Variants in ANO3 observed in about 807,000 individuals in gnomAD.
ANO3 encodes the protein anoctamin 3, also known as anoctamin-3.
A neutral mutation model predicts 144.8 loss-of-function variants in ANO3; 99 were observed. The observed-to-expected ratio is 0.68, with a 90% CI of 0.58 to 0.81. The LOEUF (loss-of-function observed/expected upper bound fraction) is 0.81. ANO3 is among the 30% of genes least tolerant of loss of function. ANO3 has a pLI of 0.00. For synonymous variants in ANO3, 414 were observed against 392.6 expected (o/e 1.05, Z -0.64); for missense variants, 905 against 1,202.2 (o/e 0.75, Z 3.66).
At position 26,442,061 on chromosome 11, in the gene ANO3, T is replaced by C. The variant is rs771788572; in HGVS notation, c.190T>C (p.Ser64Pro). ...TSLFQSTESE[S>P]QAPTSITLIS... ...CCTCTTCCAGTCAACCGAGAGTGAA[T>C]CTCAGGCTCCCACATCTATAACCTT... Residue 64 changes from serine (S) to proline (P), a missense_variant, in exon 2 of 27, where the codon TCT (serine) becomes CCT (proline). By Grantham distance (74) the Ser-to-Pro change is moderately conservative. Transcript: ENST00000256737. 1 of 1,614,114 alleles carries C rather than the reference T, an allele frequency of 6.2e-7. No individual in the cohort carries two copies. Among genetic ancestry groups the C allele is most frequent in the Non-Finnish European group, 8.5e-7 (1 of 1,180,020 alleles).
chr11:26,558,541 A>G (rs560794862), intron 13 of ANO3, among the ~76,000 whole-genome samples: 4 of 152,156 alleles, frequency 2.6e-5, no homozygotes, highest in African/African-American at 9.6e-5. Context: ...TTGTTTTGAA[A>G]ACCGATTTTT....
Position 26,661,394 on chromosome 11 carries a change from G to C in ANO3, c.*950G>C, listed in dbSNP as rs1464577542. 6.6e-6 allele frequency: 1 copy of C among 152,470 alleles called. No homozygotes were observed. The highest frequency in any genetic ancestry group is 1.9e-4 in the East Asian group (1 of 5,186). The allele number at this position is 152,470 out of a possible 1,614,324, so 9.4% of individuals were successfully genotyped here. On this transcript the variant is annotated 3_prime_UTR_variant, in exon 27 of 27. Transcript: ENST00000256737. The stretch of plus-strand genomic sequence containing the variant: ...TCCCTTTGCACCTTGACAGTACGTA[G>C]TATACATTGTGGTTTATGCAGCTCT...
In ANO3 at chr11:26,190,479, A is replaced by G. The variant is rs528792529; in HGVS notation, c.154+1149A>G. On this transcript the variant is annotated intron_variant, in intron 1 of 27. Transcript: ENST00000672621. ...TACTAGATATTGAACCTAAAATTTC[A>G]TAGAAGTAGGGAAATTAATTTTTTA... Among the ~76,000 whole-genome samples the G allele has an allele frequency of 4.6e-5, 7 of 152,322 alleles. No individual in the cohort carries two copies. In the East Asian group the frequency reaches 1.2e-3, roughly 25 times the overall value.
intron 18 of ANO3, among the ~76,000 whole-genome samples, chr11:26,632,556 A>G: frequency 6.8e-6 from 1 of 146,718 alleles, no homozygotes. Flanking sequence ...TATATATAAT[A>G]TATAAATATA....
chr11:26,294,068 G>T (rs1005313707), intron 1 of ANO3, among the ~76,000 whole-genome samples: 1 of 152,176 alleles, frequency 6.6e-6, no homozygotes, highest in Non-Finnish European at 1.5e-5. Context: ...GCAGGGAGAT[G>T]TGCAGTGGAA....
intron 17 of ANO3, among the ~76,000 whole-genome samples, chr11:26,613,885 A>C (rs293934): frequency 0.89 from 136,001 of 152,288 alleles, 60,829 homozygotes; most frequent in East Asian, 0.96. Context: ...AACAATCTGT[A>C]TGGTGAGTTT....
chr11:26,607,514 CT>C (rs1297180235), intron 17 of ANO3, among the ~76,000 whole-genome samples: 1 of 152,124 alleles, frequency 6.6e-6, no homozygotes, highest in African/African-American at 2.4e-5. Flanking sequence ...TTGTTTATTC[CT>C]TTTCATTCTT....
intron 1 of ANO3, among the ~76,000 whole-genome samples, chr11:26,434,663 C>G (rs1300699439): frequency 6.6e-6 from 1 of 152,126 alleles, no homozygotes; most frequent in Non-Finnish European, 1.5e-5. Flanking sequence ...TTCCTGATAT[C>G]TGCCTTAATT....
intron 1 of ANO3, among the ~76,000 whole-genome samples, chr11:26,215,280 G>C (rs1852014592): frequency 6.6e-6 from 1 of 151,862 alleles, no homozygotes; most frequent in African/African-American, 2.4e-5. Flanking sequence ...TTCCTCATTT[G>C]TTTATATAAC....
chr11:26,500,805 A>T (rs964710329), intron 4 of ANO3, among the ~76,000 whole-genome samples: 1 of 151,798 alleles, frequency 6.6e-6, no homozygotes, highest in South Asian at 2.1e-4. Context: ...CCAAAAAAAG[A>T]AAAACACCCG....
chr11:26,544,765 A>C (rs934814286), intron 11 of ANO3, among the ~76,000 whole-genome samples: 1 of 151,912 alleles, frequency 6.6e-6, no homozygotes, highest in African/African-American at 2.4e-5. Flanking sequence ...AGAAGACATT[A>C]CTCTTGCTTC....
intron 3 of ANO3, among the ~76,000 whole-genome samples, 189 bp downstream of exon 3, chr11:26,444,025 G>C (rs765093882): frequency 6.6e-6 from 1 of 151,932 alleles, no homozygotes; most frequent in African/African-American, 2.4e-5. Context: ...ATATATAGGA[G>C]GATTTATGAT....
At chr11:26,443,969 A>T in intron 3 of ANO3, 133 bp downstream of exon 3, 1 of 511,852 alleles carries the variant, frequency 2.0e-6, no homozygotes, top group Non-Finnish European at 3.4e-6. Flanking sequence ...GGTGAGTATA[A>T]TATTCTGAGG....
At chr11:26,259,215 T>A (rs1853126343) in intron 1 of ANO3, among the ~76,000 whole-genome samples, 4 of 152,094 alleles carry the variant, frequency 2.6e-5, no homozygotes, top group Admixed American at 2.6e-4. Context: ...AATATAGAAA[T>A]AGATTGAATA....
At chr11:26,601,937 T>C (rs1300113199) in intron 17 of ANO3, among the ~76,000 whole-genome samples, 1 of 152,138 alleles carries the variant, frequency 6.6e-6, no homozygotes, top group Admixed American at 6.5e-5. Flanking sequence ...CAGGATCTTA[T>C]AGTCTAGTGG....
chr11:26,293,371 T>C (rs1854004340), intron 1 of ANO3, among the ~76,000 whole-genome samples: 1 of 151,410 alleles, frequency 6.6e-6, no homozygotes, highest in Non-Finnish European at 1.5e-5. Flanking sequence ...CACTGTCATT[T>C]AGTGTCATTT....
intron 14 of ANO3, among the ~76,000 whole-genome samples, chr11:26,576,330 T>C (rs2132844667): frequency 6.6e-6 from 1 of 152,310 alleles, no homozygotes; most frequent in South Asian, 2.1e-4. Context: ...TGTGTGTTAC[T>C]GGACACTTAG....
At chr11:26,247,774 G>A (rs1852831320) in intron 1 of ANO3, among the ~76,000 whole-genome samples, 1 of 133,938 alleles carries the variant, frequency 7.5e-6, no homozygotes, top group Non-Finnish European at 1.5e-5. Context: ...TGTCGTCCAG[G>A]CTGGAGTGCA....
At chr11:26,559,861 CA>C in intron 14 of ANO3, 82 bp downstream of exon 14, 2 of 910,230 alleles carry the variant, frequency 2.2e-6, no homozygotes, top group South Asian at 1.4e-5. Context: ...CACACACACA[CA>C]CACACACACA....
Sources: gnomAD v4.1 joint callset for allele counts (sites outside exome capture counted in the v4.1 genomes callset) on GRCh38, gnomAD v4.1.1 for gene constraint, MANE v1.5 for transcripts, NCBI Gene and HGNC (gene_info 2026-07-23, HGNC 2026-07-21) for gene names.